SPECC1: variants seen among roughly 807,000 people sequenced by gnomAD.
SPECC1 encodes cytospin-B.
Under a neutral mutation model 104.1 loss-of-function variants are expected in SPECC1, and 62 were observed. The ratio of observed to expected loss-of-function variants is 0.60; its 90% confidence interval spans 0.49 to 0.74. The LOEUF (loss-of-function observed/expected upper bound fraction) is 0.74. Ranked by LOEUF, SPECC1 falls within the 30% of genes least tolerant of loss-of-function variation. SPECC1 has a pLI of 0.00. For synonymous variants in SPECC1, 513 were observed against 501.6 expected (o/e 1.02, Z -0.30); for missense variants, 1,306 against 1,310.5 (o/e 1.00, Z 0.05).
intron 5 of SPECC1, among the ~76,000 whole-genome samples, chr17:20,228,951 G>A (rs572983677): frequency 1.7e-3 from 258 of 152,240 alleles, no homozygotes; most frequent in Middle Eastern, 3.4e-3. Context: ...CCATGCAGTC[G>A]ATCCTCCTTA....
intron 1 of SPECC1, among the ~76,000 whole-genome samples, chr17:20,066,767 G>A (rs2046371172): frequency 6.6e-6 from 1 of 151,490 alleles, no homozygotes; most frequent in Non-Finnish European, 1.5e-5. Flanking sequence ...TTTTTCTTGA[G>A]ATAGAGTTTT....
chr17:20,216,252 G>A (rs1403446801), intron 4 of SPECC1, among the ~76,000 whole-genome samples: 3 of 151,900 alleles, frequency 2.0e-5, no homozygotes, highest in East Asian at 1.9e-4. Context: ...ATCTGCAGTC[G>A]GGGAGAGCAT....
intron 1 of SPECC1, among the ~76,000 whole-genome samples, chr17:20,015,279 TTC>T (rs1174201233): frequency 3.3e-5 from 5 of 152,048 alleles, no homozygotes; most frequent in Non-Finnish European, 7.4e-5. Flanking sequence ...CTCTCAAATA[TTC>T]TGTCTTTTTT....
intron 3 of SPECC1, among the ~76,000 whole-genome samples, chr17:20,156,947 T>C (rs1449804009): frequency 6.6e-6 from 1 of 151,964 alleles, no homozygotes; most frequent in Non-Finnish European, 1.5e-5. Flanking sequence ...TCTTGGCTGA[T>C]AGGAAAGAGG....
intron 1 of SPECC1, among the ~76,000 whole-genome samples, chr17:20,019,207 CATTCATTTATTTATTTATTTATTT>C (rs1471271766): frequency 0.01 from 1,309 of 127,272 alleles, 19 homozygotes; most frequent in African/African-American, 0.028. Flanking sequence ...AAGACCCTAT[CATTCATTTATTTATTTATTTATTT>C]ATTTATTTAT....
intron 3 of SPECC1, among the ~76,000 whole-genome samples, chr17:20,115,294 G>GA (rs1462230218): frequency 3.3e-5 from 5 of 152,136 alleles, no homozygotes. Flanking sequence ...CCAACATGGT[G>GA]AAAACCCATC....
chr17:20,288,642 A>G (rs538665314), intron 12 of SPECC1, among the ~76,000 whole-genome samples: 4 of 152,302 alleles, frequency 2.6e-5, no homozygotes, highest in Non-Finnish European at 5.9e-5. Flanking sequence ...TTGAGACGGT[A>G]TATTAGTCCA....
chr17:20,291,669 C>T (rs2041169527), intron 12 of SPECC1, among the ~76,000 whole-genome samples: 1 of 152,036 alleles, frequency 6.6e-6, no homozygotes, highest in Non-Finnish European at 1.5e-5. Context: ...TTCAGCCTCC[C>T]AAGTAGCTGG....
intron 3 of SPECC1, among the ~76,000 whole-genome samples, chr17:20,124,613 G>A (rs1462758999): frequency 1.3e-5 from 2 of 152,144 alleles, no homozygotes; most frequent in Non-Finnish European, 2.9e-5. Flanking sequence ...TTCAGATTCG[G>A]TATAGATGCT....
At chr17:20,302,666 A>G (rs1014309394) in intron 13 of SPECC1, among the ~76,000 whole-genome samples, 1 of 151,320 alleles carries the variant, frequency 6.6e-6, no homozygotes, top group South Asian at 2.1e-4. Flanking sequence ...GCTTCAGAGT[A>G]GCTGGGATTA....
At chr17:20,194,894 CAGGT>C (rs1188398181) in intron 3 of SPECC1, among the ~76,000 whole-genome samples, 1 of 152,110 alleles carries the variant, frequency 6.6e-6, no homozygotes, top group Non-Finnish European at 1.5e-5. Context: ...CTGGAGAAAT[CAGGT>C]AGAGAGAAAC....
chr17:20,217,279 G>GTT (rs1159501735), intron 4 of SPECC1, among the ~76,000 whole-genome samples: 35 of 135,664 alleles, frequency 2.6e-4, no homozygotes, highest in African/African-American at 7.4e-4. Flanking sequence ...GTGTGTGTGT[G>GTT]TGTTTTTTTT....
chr17:20,023,790 A>G (rs553134127), intron 1 of SPECC1, among the ~76,000 whole-genome samples: 1 of 149,958 alleles, frequency 6.7e-6, no homozygotes, highest in African/African-American at 2.4e-5. Context: ...CTCCTATGCT[A>G]TTCAAATGTG....
chr17:20,298,001 T>C (rs1449265729), intron 13 of SPECC1, among the ~76,000 whole-genome samples: 1 of 152,206 alleles, frequency 6.6e-6, no homozygotes. Context: ...CTCAGTGCTG[T>C]GAGACAGAGT....
intron 3 of SPECC1, 124 bp downstream of exon 3, chr17:20,110,686 C>T (rs1485825424): frequency 1.6e-6 from 2 of 1,213,454 alleles, no homozygotes; most frequent in Non-Finnish European, 2.2e-6. Flanking sequence ...TTACCCTGGG[C>T]CGGAACTGTT....
chr17:20,074,878 T>A (rs1466022242), intron 1 of SPECC1, among the ~76,000 whole-genome samples: 1 of 152,090 alleles, frequency 6.6e-6, no homozygotes, highest in Non-Finnish European at 1.5e-5. Flanking sequence ...GAAGTATCAT[T>A]CCTCATTCCA....
intron 1 of SPECC1, among the ~76,000 whole-genome samples, chr17:20,053,395 C>T (rs1365887058): frequency 6.6e-6 from 1 of 152,212 alleles, no homozygotes; most frequent in Non-Finnish European, 1.5e-5. Context: ...TATCCACTTC[C>T]ACAGTGTGAT....
At chr17:20,025,691 T>A (rs2044572269) in intron 1 of SPECC1, among the ~76,000 whole-genome samples, 1 of 152,198 alleles carries the variant, frequency 6.6e-6, no homozygotes, top group African/African-American at 2.4e-5. Flanking sequence ...AGTTTTTATG[T>A]GGATATATGT....
intron 7 of SPECC1, chr17:20,237,001 G>T: frequency 6.7e-7 from 1 of 1,487,166 alleles, no homozygotes; most frequent in South Asian, 1.4e-5. Context: ...GAGCCCAGTT[G>T]TCTCCTTGTG....
Sources: gnomAD v4.1 joint callset for allele counts (sites outside exome capture counted in the v4.1 genomes callset) on GRCh38, gnomAD v4.1.1 for gene constraint, MANE v1.5 for transcripts, NCBI Gene and HGNC (gene_info 2026-07-23, HGNC 2026-07-21) for gene names.